Variants in ZFHX3 observed in about 807,000 individuals in gnomAD.
The protein encoded by ZFHX3 is zinc finger homeobox protein 3.
In ZFHX3, 42 loss-of-function variants were observed where a neutral mutation model predicts 279.1. The ratio of observed to expected loss-of-function variants is 0.15; its 90% CI spans 0.12 to 0.19. The LOEUF is 0.19. Among genes scored for constraint, ZFHX3 ranks in the 10% least tolerant of loss-of-function variants. ZFHX3 has a pLI of 1.00. For missense variants in ZFHX3, 4,981 were observed against 4,754.0 expected, an observed-to-expected ratio of 1.05 and a Z score of -1.40; for synonymous variants, 2,293 against 1,957.8, an observed-to-expected ratio of 1.17 and a Z score of -4.52.
chr16:73,261,840 G>A (rs2013836181), intron 4 of ZFHX3, among the ~76,000 whole-genome samples: 1 of 151,646 alleles, frequency 6.6e-6, no homozygotes. Context: ...CACGCTCGGC[G>A]AATTTTTTAT....
intron 1 of ZFHX3, among the ~76,000 whole-genome samples, chr16:73,054,507 C>G (rs1965511205): frequency 2.1e-5 from 3 of 141,532 alleles, no homozygotes; most frequent in Non-Finnish European, 4.6e-5. Flanking sequence ...TTATTATACT[C>G]TCATCCGAAG....
At chr16:73,418,658 G>T (rs1177110739) in intron 3 of ZFHX3, among the ~76,000 whole-genome samples, 1 of 152,212 alleles carries the variant, frequency 6.6e-6, no homozygotes, top group East Asian at 1.9e-4. Context: ...TGATACATTT[G>T]CAGAAGGGGT....
chr16:73,264,326 G>A (rs956550926), intron 4 of ZFHX3, among the ~76,000 whole-genome samples: 9 of 151,962 alleles, frequency 5.9e-5, no homozygotes, highest in Admixed American at 2.6e-4. Flanking sequence ...AGAAATAAAT[G>A]AAGGGTTTCC....
At chr16:72,979,589 A>C (rs531112079) in intron 1 of ZFHX3, among the ~76,000 whole-genome samples, 15 of 152,296 alleles carry the variant, frequency 9.8e-5, no homozygotes, top group African/African-American at 3.6e-4. Flanking sequence ...TGAGTACCTA[A>C]TCTGTGCCTC....
At chr16:73,235,408 A>G (rs543289644) in intron 5 of ZFHX3, among the ~76,000 whole-genome samples, 2 of 152,164 alleles carry the variant, frequency 1.3e-5, no homozygotes, top group Non-Finnish European at 2.9e-5. Flanking sequence ...TAACCACTCT[A>G]TCCTCAGAAA....
intron 1 of ZFHX3, among the ~76,000 whole-genome samples, chr16:73,874,072 T>C (rs2029881710): frequency 6.6e-6 from 1 of 152,228 alleles, no homozygotes; most frequent in Non-Finnish European, 1.5e-5. Flanking sequence ...AATAGCTGCC[T>C]ACGCCATTTC....
intron 4 of ZFHX3, among the ~76,000 whole-genome samples, chr16:73,302,623 G>C (rs1014938778): frequency 6.6e-6 from 1 of 152,212 alleles, no homozygotes; most frequent in African/African-American, 2.4e-5. Context: ...AGTTGGCCTG[G>C]AGAAAAAGGA....
rs1327082067 is a variant in ZFHX3 at position 73,087,296 on chromosome 16, T to C, written c.-533+5939A>G. Among the ~76,000 whole-genome samples the C allele has an allele frequency of 2.0e-5, 3 of 152,080 alleles. No homozygotes were observed. The East Asian group carries it at 5.8e-4, about 29-fold the overall frequency. Reference sequence around the variant, plus strand: ...GTCACAGATGGCAAACTGTGAGGTTTAACTGGGGCCTCTGAGGATCCGGGA... The same window carrying C: ...GTCACAGATGGCAAACTGTGAGGTTCAACTGGGGCCTCTGAGGATCCGGGA... On this transcript the variant is annotated intron_variant, in intron 8 of 17. Coordinates refer to the ZFHX3 transcript ENST00000641206.
At chr16:73,294,677 T>G (rs61143668) in intron 4 of ZFHX3, among the ~76,000 whole-genome samples, 22,639 of 151,540 alleles carry the variant, frequency 0.15, 2,124 homozygotes, top group African/African-American at 0.26. Context: ...CGGGTGTGGT[T>G]GTGGGTGCCT....
chr16:73,233,803 T>A (rs756426699), intron 5 of ZFHX3: 11 of 152,258 alleles, frequency 7.2e-5, no homozygotes, highest in Non-Finnish European at 1.2e-4. Flanking sequence ...TAAGGATTTC[T>A]GGGACTGGAA....
chr16:72,955,794 A>AAC, intron 2 of ZFHX3, among the ~76,000 whole-genome samples: 1 of 151,634 alleles, frequency 6.6e-6, no homozygotes, highest in East Asian at 1.9e-4. Context: ...AAAAAAAAAA[A>AAC]ACCCTCACTT....
intron 3 of ZFHX3, among the ~76,000 whole-genome samples, chr16:73,388,628 C>T (rs2016949227): frequency 6.6e-6 from 1 of 152,184 alleles, no homozygotes; most frequent in Admixed American, 6.5e-5. Context: ...CCTCCCCAAC[C>T]TCCCCCTGCT....
At chr16:73,348,596 C>T (rs954700440) in intron 3 of ZFHX3, among the ~76,000 whole-genome samples, 10 of 152,190 alleles carry the variant, frequency 6.6e-5, no homozygotes, top group African/African-American at 9.6e-5. Context: ...GAGACTCTGG[C>T]GTTCAGAGGA....
At chr16:73,059,995 A>G (rs1040757207), upstream of ZFHX3, among the ~76,000 whole-genome samples, 1 of 152,172 alleles carries the variant, frequency 6.6e-6, no homozygotes, top group Non-Finnish European at 1.5e-5. Flanking sequence ...CCAACTTTCT[A>G]CCTTTCTGGA....
chr16:73,056,515 G>C (rs1464699178), intron 1 of ZFHX3, among the ~76,000 whole-genome samples: 1 of 151,976 alleles, frequency 6.6e-6, no homozygotes, highest in Non-Finnish European at 1.5e-5. Flanking sequence ...CTACACTTTG[G>C]GGGTTCAGCT....
intron 2 of ZFHX3, among the ~76,000 whole-genome samples, chr16:73,492,449 C>T (rs772422022): frequency 1.3e-5 from 2 of 152,206 alleles, no homozygotes; most frequent in Non-Finnish European, 2.9e-5. Context: ...TAACACCAGT[C>T]TCTCTCCACC....
chr16:73,399,457 T>G (rs141876398), intron 3 of ZFHX3, among the ~76,000 whole-genome samples: 1 of 152,196 alleles, frequency 6.6e-6, no homozygotes, highest in Non-Finnish European at 1.5e-5. Flanking sequence ...CACCCCATGA[T>G]AGCAAGTTTG....
At position 72,978,524 on chromosome 16, in the gene ZFHX3, C is replaced by A. The variant is rs948375979; in HGVS notation, c.-49-18330G>T. 2.6e-5 allele frequency among the ~76,000 whole-genome samples: 4 copies of A among 152,174 alleles called. No homozygotes were observed. The East Asian group carries it at 7.7e-4, about 29-fold the overall frequency. On this transcript the variant is annotated intron_variant, in intron 1 of 9. Coordinates refer to ENST00000268489, the MANE Select transcript of ZFHX3 (RefSeq NM_006885.4). ...CCCCCACTCCCTGACCGAGGTCTCGCCTTCCTCTGGGCTAAGTCCACACTG... is the reference window on the plus strand; with the variant it reads ...CCCCCACTCCCTGACCGAGGTCTCGACTTCCTCTGGGCTAAGTCCACACTG...
intron 6 of ZFHX3, chr16:73,137,651 A>G (rs1247631585): frequency 6.6e-6 from 1 of 152,124 alleles, no homozygotes; most frequent in Non-Finnish European, 1.5e-5. Context: ...GCTTTAAATT[A>G]TAATTAAAAT....
Sources: gnomAD v4.1 joint callset for allele counts (sites outside exome capture counted in the v4.1 genomes callset) on GRCh38, gnomAD v4.1.1 for gene constraint, MANE v1.5 for transcripts, NCBI Gene and HGNC (gene_info 2026-07-23, HGNC 2026-07-21) for gene names.